The following SHANK2 variants were observed in gnomAD, a reference collection of about 807,000 sequenced individuals.
The protein encoded by SHANK2 is SH3 and multiple ankyrin repeat domains 2.
A neutral mutation model predicts 133.7 loss-of-function variants in SHANK2; 43 were observed. That is an observed-to-expected ratio of 0.32 (90% CI 0.25 to 0.41). The LOEUF (loss-of-function observed/expected upper bound fraction) is 0.41. SHANK2 is among the 10% of genes least tolerant of loss of function. The pLI is 1.00. For synonymous variants in SHANK2, 1,017 were observed against 952.8 expected (o/e 1.07, Z -1.24); for missense variants, 1,994 against 2,235.8 (o/e 0.89, Z 2.18).
intron 17 of SHANK2, among the ~76,000 whole-genome samples, chr11:70,562,898 A>C (rs1351063110): frequency 6.6e-6 from 1 of 152,134 alleles, no homozygotes; most frequent in Non-Finnish European, 1.5e-5. Context: ...TTTGAGACAG[A>C]GTCTCGCTCT....
chr11:71,104,726 C>T (rs1455820430), intron 6 of SHANK2, among the ~76,000 whole-genome samples: 1 of 152,164 alleles, frequency 6.6e-6, no homozygotes, highest in East Asian at 1.9e-4. Context: ...ACCCTGGGTC[C>T]CCACTTCCCT....
chr11:71,075,733 C>T (rs1484399559), intron 8 of SHANK2, among the ~76,000 whole-genome samples: 1 of 152,210 alleles, frequency 6.6e-6, no homozygotes, highest in African/African-American at 2.4e-5. Context: ...CACAGCCCTG[C>T]ACTGCATCCA....
intron 15 of SHANK2, chr11:70,662,328 C>G (rs1944571684): frequency 6.0e-6 from 1 of 167,024 alleles, no homozygotes; most frequent in South Asian, 1.6e-4. Context: ...CAGGCAGGAG[C>G]CCCCACAATC....
intron 14 of SHANK2, among the ~76,000 whole-genome samples, chr11:70,781,242 T>C (rs1272324122): frequency 6.6e-6 from 1 of 151,870 alleles, no homozygotes; most frequent in Non-Finnish European, 1.5e-5. Context: ...GAACACACAG[T>C]TCACGATTGT....
intron 6 of SHANK2, among the ~76,000 whole-genome samples, chr11:71,101,358 G>A: frequency 1.3e-5 from 2 of 152,162 alleles, no homozygotes; most frequent in East Asian, 3.9e-4. Context: ...TTCAGAACAT[G>A]GCAGTGTGTA....
intron 17 of SHANK2, among the ~76,000 whole-genome samples, chr11:70,651,580 G>A (rs782385058): frequency 6.6e-6 from 1 of 152,182 alleles, no homozygotes; most frequent in Non-Finnish European, 1.5e-5. Context: ...GATCCCCAGT[G>A]CTATTAGCCT....
chr11:70,611,579 T>G (rs1195485265), intron 17 of SHANK2, among the ~76,000 whole-genome samples: 1 of 152,236 alleles, frequency 6.6e-6, no homozygotes, highest in Non-Finnish European at 1.5e-5. Flanking sequence ...ACAGAGGGTG[T>G]CTGGTTTAAG....
chr11:70,814,415 CT>C (rs782812313), intron 12 of SHANK2, among the ~76,000 whole-genome samples: 6 of 152,144 alleles, frequency 3.9e-5, no homozygotes, highest in African/African-American at 7.2e-5. Context: ...GCCACCCCCA[CT>C]TTCTAGGTCA....
At chr11:70,539,623 G>A (rs1565111455) in intron 17 of SHANK2, among the ~76,000 whole-genome samples, 3 of 125,706 alleles carry the variant, frequency 2.4e-5, no homozygotes, top group South Asian at 3.0e-4. Flanking sequence ...CAACTCCGGC[G>A]CTCTTATCTA....
intron 2 of SHANK2, among the ~76,000 whole-genome samples, chr11:71,202,836 T>A (rs1565511798): frequency 6.6e-6 from 1 of 152,156 alleles, no homozygotes; most frequent in African/African-American, 2.4e-5. Context: ...TCAATGAGCA[T>A]GCAAGGGGCA....
chr11:70,837,975 C>CA (rs55862093), intron 11 of SHANK2, among the ~76,000 whole-genome samples: 2,819 of 25,102 alleles, frequency 0.11, 419 homozygotes, highest in Non-Finnish European at 0.16. Flanking sequence ...CATTCTGTCT[C>CA]AAAAAAAAAA....
chr11:70,734,309 G>A (rs73527963), intron 14 of SHANK2, among the ~76,000 whole-genome samples: 5,891 of 152,274 alleles, frequency 0.039, 366 homozygotes, highest in African/African-American at 0.13. Flanking sequence ...GGGATTGAAC[G>A]GGCAGAATAG....
At chr11:71,056,169 A>G (rs1038403503) in intron 10 of SHANK2, among the ~76,000 whole-genome samples, 5 of 152,130 alleles carry the variant, frequency 3.3e-5, no homozygotes, top group African/African-American at 1.2e-4. Flanking sequence ...CAGAGCCAGC[A>G]TCTCCCAACA....
At chr11:70,634,892 T>C (rs1024230814) in intron 17 of SHANK2, 17 of 152,184 alleles carry the variant, frequency 1.1e-4, no homozygotes, top group African/African-American at 3.6e-4. Context: ...GGTAAAGGAC[T>C]TGAATAGACA....
At chr11:70,951,757 GGGCT>G (rs1224838159) in intron 10 of SHANK2, among the ~76,000 whole-genome samples, 1 of 152,228 alleles carries the variant, frequency 6.6e-6, no homozygotes, top group Non-Finnish European at 1.5e-5. Context: ...GGTGTTGGCA[GGGCT>G]GCCCACCCCC....
At chr11:70,787,187 A>G (rs1354211011) in intron 14 of SHANK2, among the ~76,000 whole-genome samples, 1 of 151,106 alleles carries the variant, frequency 6.6e-6, no homozygotes, top group Non-Finnish European at 1.5e-5. Context: ...CACCACCAAC[A>G]CCAGCATCAC....
intron 11 of SHANK2, among the ~76,000 whole-genome samples, chr11:70,870,656 G>C (rs1319760075): frequency 6.6e-6 from 1 of 152,208 alleles, no homozygotes; most frequent in African/African-American, 2.4e-5. Context: ...CCAGCTCCCA[G>C]TGGCCTGTAG....
At chr11:70,655,152 A>G (rs2061391109) in intron 17 of SHANK2, among the ~76,000 whole-genome samples, 1 of 152,160 alleles carries the variant, frequency 6.6e-6, no homozygotes, top group Admixed American at 6.5e-5. Flanking sequence ...TACCACATTG[A>G]TTGTGAAAAC....
intron 14 of SHANK2, among the ~76,000 whole-genome samples, chr11:70,772,031 C>A (rs538316949): frequency 8.0e-4 from 122 of 152,264 alleles, no homozygotes; most frequent in Non-Finnish European, 1.3e-3. Context: ...AGCTGTGAGA[C>A]CCCGGGCAAA....
Sources: gnomAD v4.1 joint callset for allele counts (sites outside exome capture counted in the v4.1 genomes callset) on GRCh38, gnomAD v4.1.1 for gene constraint, MANE v1.5 for transcripts, NCBI Gene and HGNC (gene_info 2026-07-23, HGNC 2026-07-21) for gene names.